Variants in SYNE1 observed in about 807,000 individuals in gnomAD.
SYNE1 encodes the protein spectrin repeat containing nuclear envelope protein 1.
SYNE1 carries 616 observed loss-of-function variants against 1,111.0 expected under a neutral mutation model. The ratio of observed to expected loss-of-function variants is 0.55; its 90% CI spans 0.52 to 0.59. SYNE1 has a LOEUF of 0.59. SYNE1 is among the 20% of genes least tolerant of loss of function. The pLI is 0.00. For missense variants in SYNE1, 10,006 were observed against 10,417.0 expected, an observed-to-expected ratio of 0.96 and a Z score of 1.72; for synonymous variants, 3,855 against 3,825.8, an observed-to-expected ratio of 1.01 and a Z score of -0.28.
intron 3 of SYNE1, among the ~76,000 whole-genome samples, chr6:152,572,403 CT>C (rs1253361283): frequency 6.6e-6 from 1 of 152,140 alleles, no homozygotes; most frequent in Non-Finnish European, 1.5e-5. Flanking sequence ...TCCTCAATGT[CT>C]TGCTTTTTGT....
chr6:152,266,546 C>A (rs2092715996), intron 100 of SYNE1, among the ~76,000 whole-genome samples: 1 of 152,174 alleles, frequency 6.6e-6, no homozygotes, highest in African/African-American at 2.4e-5. Context: ...ACACAACAGA[C>A]AGTTTTTAAA....
chr6:152,347,094 C>T lies in SYNE1; in HGVS notation c.12043G>A (p.Asp4015Asn). The T allele has an allele frequency of 6.2e-7, 1 of 1,614,176 alleles. No individual in the cohort carries two copies. The highest frequency in any genetic ancestry group is 8.5e-7 in the Non-Finnish European group (1 of 1,180,044). ...GTGCTGCAGATCGCTGAGTAGCTGT[C>T]CTTTGTGCCCTGCAGATGAGCATGC... ...NVHAHLQGTK[D>N]SYSAICSTAQ... Residue 4015 changes from aspartate to asparagine, a missense_variant, in exon 73 of 146, where the codon GAC becomes AAC. Asp to Asn is a conservative substitution (Grantham distance 23, BLOSUM62 1). Around this residue, in one of 7 missense-constraint regions of SYNE1, gnomAD observed 4,955 missense variants for 5,017.2 expected, o/e 0.99. Coordinates refer to ENST00000367255, the MANE Select transcript of SYNE1 (RefSeq NM_182961.4).
At chr6:152,183,739 A>T (rs2813511) in intron 128 of SYNE1, among the ~76,000 whole-genome samples, 96,493 of 152,094 alleles carry the variant, frequency 0.63, 32,481 homozygotes, top group African/African-American at 0.88. Context: ...GATGGTCCCA[A>T]AATAGAAAAA....
intron 14 of SYNE1, among the ~76,000 whole-genome samples, chr6:152,478,826 C>G (rs1459503175): frequency 2.6e-5 from 4 of 152,078 alleles, no homozygotes; most frequent in African/African-American, 9.7e-5. Context: ...TGTTTTTTTC[C>G]AGCCACAGTC....
At chr6:152,412,749 A>G in intron 42 of SYNE1, among the ~76,000 whole-genome samples, 1 of 108,418 alleles carries the variant, frequency 9.2e-6, no homozygotes, top group Non-Finnish European at 1.8e-5. Context: ...ACAAACAAGT[A>G]CAACAAAACA....
intron 51 of SYNE1, among the ~76,000 whole-genome samples, chr6:152,392,381 G>C (rs181982456): frequency 2.0e-5 from 3 of 152,126 alleles, no homozygotes; most frequent in Non-Finnish European, 2.9e-5. Flanking sequence ...AGGGGAAAAC[G>C]TAAGCACTAT....
chr6:152,425,624 G>A, intron 38 of SYNE1, 77 bp from the exon 39 acceptor site: 4 of 1,557,128 alleles, frequency 2.6e-6, no homozygotes, highest in Non-Finnish European at 3.5e-6. Flanking sequence ...GGCGGCTGTT[G>A]TCCAAAGGAT....
chr6:152,629,542 GGA>G lies in SYNE1; in HGVS notation c.-223-990_-223-989del, dbSNP rs1565299922. Among the ~76,000 whole-genome samples the G allele has an allele frequency of 1.4e-3, 166 of 116,622 alleles. 1 individual carries two copies. Among genetic ancestry groups the G allele is most frequent in the Non-Finnish European group, 2.0e-3 (110 of 55,170 alleles). The allele number at this position is 116,622 out of a possible 152,430, so 76.5% of individuals were successfully genotyped here. ...ATTGCCGGGGGGGGGGGGGGGAGGG[GGA>G]GGGGAGGAGGGGGTGCAGTGGGCTT... is the stretch of plus-strand genomic sequence containing the variant. On this transcript the variant is annotated intron_variant, in intron 2 of 145. Coordinates refer to ENST00000367255, the MANE Select transcript of SYNE1 (RefSeq NM_182961.4).
At chr6:152,309,463 G>C (rs781509974) in intron 90 of SYNE1, among the ~76,000 whole-genome samples, 10 of 152,010 alleles carry the variant, frequency 6.6e-5, no homozygotes, top group Non-Finnish European at 1.5e-4. Context: ...GCTTTAATAA[G>C]CTGAAATATG....
intron 137 of SYNE1, 64 bp from the exon 138 acceptor site, chr6:152,143,829 T>C: frequency 1.2e-6 from 2 of 1,609,752 alleles, no homozygotes; most frequent in Non-Finnish European, 8.5e-7. Flanking sequence ...AGCTTGATAT[T>C]CAAGGAGAAG....
chr6:152,428,337 C>G lies in SYNE1; in HGVS notation c.4844G>C (p.Ser1615Thr), dbSNP rs775729666. ...LSSAITAFSA[S>T]ARKVVNRDSC... ...ATCTCTGTTCACAACCTTCCTGGCA[C>G]TGGCTGAGAAGGCAGTGATCGCGCT... is the stretch of plus-strand genomic sequence containing the variant. The change falls in exon 37 of 146, where the codon AGT becomes ACT. Residue 1615 changes from serine to threonine, a missense_variant. This residue lies in a region of SYNE1 where 1,971 missense variants were observed against 2,084.1 expected (regional missense o/e 0.95). Coordinates refer to ENST00000367255, the MANE Select transcript of SYNE1 (RefSeq NM_182961.4). 7.8e-5 allele frequency: 126 copies of G among 1,614,040 alleles called. No individual in the cohort carries two copies. The highest frequency in any genetic ancestry group is 1.1e-4 in the Non-Finnish European group (124 of 1,180,044).
intron 124 of SYNE1, among the ~76,000 whole-genome samples, chr6:152,208,642 C>T (rs2076968114): frequency 1.3e-5 from 2 of 152,208 alleles, no homozygotes; most frequent in South Asian, 4.2e-4. Flanking sequence ...TGTAGAACCT[C>T]TGTCTTCAGT....
rs769867428 is a variant in SYNE1 at position 152,395,700 on chromosome 6, T to C, written c.7557-29A>G. The stretch of plus-strand genomic sequence containing the variant: ...AGGGAAAGAAAATGCCTTAGAGAAA[T>C]TCTTACATGCTTGTTATGATAAATT... On this transcript the variant is annotated intron_variant, in intron 50 of 145. Coordinates refer to ENST00000367255, the MANE Select transcript of SYNE1 (RefSeq NM_182961.4). 5.0e-6 allele frequency: 8 copies of C among 1,612,514 alleles called. No individual in the cohort carries two copies. The African/African-American group carries it at 1.1e-4, about 22-fold the overall frequency.
chr6:152,523,002 T>A (rs1373110436), intron 5 of SYNE1, among the ~76,000 whole-genome samples: 3 of 152,162 alleles, frequency 2.0e-5, no homozygotes, highest in Non-Finnish European at 4.4e-5. Context: ...ATTCTATGGG[T>A]TGTCTGTTTA....
Position 152,352,034 on chromosome 6 carries a change from T to C in SYNE1, c.11573A>G (p.Lys3858Arg), listed in dbSNP as rs1299329507. The C allele has an allele frequency of 6.2e-7, 1 of 1,613,900 alleles. No homozygotes were observed. The highest frequency in any genetic ancestry group is 8.5e-7 in the Non-Finnish European group (1 of 1,180,002). Residue 3858 changes from lysine to arginine, a missense_variant, in exon 70 of 146, where the codon AAA becomes AGA. Physicochemically the swap from Lys to Arg is conservative, Grantham distance 26. Around this residue, in one of 7 missense-constraint regions of SYNE1, gnomAD observed 4,955 missense variants for 5,017.2 expected, o/e 0.99. Transcript: ENST00000367255. Reference sequence around the variant, plus strand: ...AATGAGTAAACACACTACCTTGTATTTAGATAACTGAGCTTTTTTCTCATA... The same window carrying C: ...AATGAGTAAACACACTACCTTGTATCTAGATAACTGAGCTTTTTTCTCATA... ...ELYEKKAQLS[K>R]YKSLQQTVLS...
chr6:152,507,357 A>G (rs2099063156), intron 8 of SYNE1, among the ~76,000 whole-genome samples: 1 of 152,202 alleles, frequency 6.6e-6, no homozygotes, highest in African/African-American at 2.4e-5. Context: ...AGACATTTTC[A>G]AAGAGAAATA....
chr6:152,225,160 T>C (rs916640855), intron 116 of SYNE1, among the ~76,000 whole-genome samples: 9 of 151,694 alleles, frequency 5.9e-5, no homozygotes, highest in Non-Finnish European at 1.3e-4. Flanking sequence ...TAATGAAAAT[T>C]ACCCAAGATT....
chr6:152,357,227 C>T (rs2096854032), intron 66 of SYNE1, among the ~76,000 whole-genome samples: 1 of 152,144 alleles, frequency 6.6e-6, no homozygotes, highest in Non-Finnish European at 1.5e-5. Flanking sequence ...TTGTCTCTTG[C>T]CTGAAGTCAC....
intron 127 of SYNE1, among the ~76,000 whole-genome samples, chr6:152,191,105 A>G (rs937959224): frequency 1.3e-5 from 2 of 152,212 alleles, no homozygotes; most frequent in African/African-American, 4.8e-5. Context: ...CCATCATTGC[A>G]TCCCTGGGAT....
Sources: allele counts gnomAD v4.1 joint callset (sites outside exome capture counted in the v4.1 genomes callset), GRCh38; gene constraint gnomAD v4.1.1; regional missense constraint gnomAD v4.1.1; transcripts MANE v1.5; gene names NCBI Gene and HGNC (gene_info 2026-07-23, HGNC 2026-07-21).